Variants in PPP1R37 observed in about 807,000 individuals in gnomAD.
PPP1R37 encodes protein phosphatase 1 regulatory subunit 37.
PPP1R37 carries 21 observed loss-of-function variants against 61.0 expected under a neutral mutation model. The observed-to-expected ratio is 0.34, with a 90% CI of 0.24 to 0.50. The LOEUF (loss-of-function observed/expected upper bound fraction) is 0.50, where lower values mean the gene tolerates loss of function less well. Among genes scored for constraint, PPP1R37 ranks in the 20% least tolerant of loss-of-function variants. The pLI is 0.98. For missense variants in PPP1R37, 910 were observed against 952.7 expected (o/e 0.96, Z 0.59); for synonymous variants, 443 against 433.5 (o/e 1.02, Z -0.27).
intron 1 of PPP1R37, among the ~76,000 whole-genome samples, chr19:45,115,117 C>T (rs1292813543): frequency 6.6e-6 from 1 of 152,156 alleles, no homozygotes; most frequent in Non-Finnish European, 1.5e-5. Context: ...AAGGCAAGCC[C>T]GGCCCTGCCT....
rs1343024674 is a variant in PPP1R37, at chr19:45,130,838, C to T, written c.203-7676C>T. 1.3e-5 allele frequency among the ~76,000 whole-genome samples: 2 copies of T among 152,134 alleles called. No individual in the cohort carries two copies. Among genetic ancestry groups the T allele is most frequent in the African/African-American group, 2.4e-5 (1 of 41,412 alleles). On this transcript the variant is annotated intron_variant, in intron 1 of 12. Transcript: ENST00000221462. This position sits in a 1 kb window ranked among gnomAD's most constrained non-coding sequence, Gnocchi z 4.4. ...CCAGCCAGAGGTAGCATGGTTGTTA[C>T]GGAGCAGCCCTAAATATTCCTGCTC...
intron 1 of PPP1R37, among the ~76,000 whole-genome samples, chr19:45,124,411 T>C (rs899103460): frequency 6.6e-6 from 1 of 152,130 alleles, no homozygotes; most frequent in Non-Finnish European, 1.5e-5. Flanking sequence ...ATTTTTCTTT[T>C]CTTTTTTTTC....
intron 1 of PPP1R37, among the ~76,000 whole-genome samples, chr19:45,110,461 C>T (rs1968186503): frequency 6.6e-6 from 1 of 152,072 alleles, no homozygotes. Flanking sequence ...TCGAAATGTT[C>T]TTTTCTCTTA....
intron 1 of PPP1R37, among the ~76,000 whole-genome samples, chr19:45,099,393 A>G (rs1968033710): frequency 6.6e-6 from 1 of 152,204 alleles, no homozygotes; most frequent in South Asian, 2.1e-4. Flanking sequence ...AAGATTCCAC[A>G]CTGGCCATGT....
chr19:45,137,290 G>A (rs969790355), intron 1 of PPP1R37, among the ~76,000 whole-genome samples: 2 of 152,174 alleles, frequency 1.3e-5, no homozygotes, highest in Non-Finnish European at 2.9e-5. Flanking sequence ...CAAACACAAC[G>A]CAGCACATCC....
Position 45,144,899 on chromosome 19 carries a change from A to G in PPP1R37, c.1033A>G (p.Ile345Val), listed in dbSNP as rs868584011. The G allele has an allele frequency of 2.3e-5, 36 of 1,535,464 alleles. No homozygotes were observed. In the African/African-American group the frequency reaches 3.8e-4, roughly 16 times the overall value. ...LETLNLGHNP[I>V]GNEGVRHLKN... ...GACGCTGAACCTGGGCCACAACCCC[A>G]TCGGGAACGAGGGTGTGCGGCACCT... Residue 345 changes from isoleucine (I) to valine (V), a missense_variant, in exon 9 of 13, where the codon ATC becomes GTC. By Grantham distance (29) the Ile-to-Val change is conservative. Transcript: ENST00000221462.
chr19:45,147,205 G>A lies in PPP1R37; in HGVS notation c.*643G>A, dbSNP rs1337795092. On this transcript the variant is annotated 3_prime_UTR_variant, in exon 13 of 13. Coordinates refer to ENST00000221462, the MANE Select transcript of PPP1R37 (RefSeq NM_019121.2). ...GCGAGTGGCATGGGTGTGGGTGAGG[G>A]TGGGCAGAGGGCTGGGGCTACTCCT... The A allele has an allele frequency of 6.6e-6, 1 of 152,484 alleles. No individual in the cohort carries two copies. The highest frequency in any genetic ancestry group is 2.4e-5 in the African/African-American group (1 of 41,446). The allele number at this position is 152,484 out of a possible 1,614,324, so 9.4% of individuals were successfully genotyped here.
At chr19:45,109,123 GC>G (rs1006771263) in intron 1 of PPP1R37, among the ~76,000 whole-genome samples, 18 of 152,306 alleles carry the variant, frequency 1.2e-4, no homozygotes, top group Non-Finnish European at 1.9e-4. Context: ...GGTTCTTCAT[GC>G]CCTTTGCCTA....
In PPP1R37 at chr19:45,128,658, G is replaced by T. The variant is rs1015342051; in HGVS notation, c.203-9856G>T. 2.3e-5 allele frequency: 29 copies of T among 1,238,214 alleles called. 1 individual carries two copies. The South Asian group carries it at 3.5e-4, about 15-fold the overall frequency. The allele number at this position is 1,238,214 out of a possible 1,614,324, so 76.7% of individuals were successfully genotyped here. A position where few individuals can be genotyped will look rare whatever the true frequency, so the allele number is the denominator to read the frequency against. ...CTCAGCATTATGTAACACTGGCTTC[G>T]TGGTGCTCAAAGGCTGGCCCTGTAA... On this transcript the variant is annotated intron_variant, in intron 1 of 12. Transcript: ENST00000221462.
At chr19:45,144,774 C>G in intron 8 of PPP1R37, 80 bp from the exon 9 acceptor site, 1 of 1,274,280 alleles carries the variant, frequency 7.8e-7, no homozygotes, top group Non-Finnish European at 1.1e-6. Flanking sequence ...GCTCTCTTCC[C>G]GGCTTCTTTC....
At chr19:45,106,925 T>C (rs1244829676) in intron 1 of PPP1R37, among the ~76,000 whole-genome samples, 1 of 145,464 alleles carries the variant, frequency 6.9e-6, no homozygotes, top group African/African-American at 2.6e-5. Flanking sequence ...CACGCCATTC[T>C]CCTGCCTCAG....
At chr19:45,133,128 A>T (rs945619204) in intron 1 of PPP1R37, among the ~76,000 whole-genome samples, 5 of 152,226 alleles carry the variant, frequency 3.3e-5, no homozygotes, top group Middle Eastern at 3.4e-3. Context: ...CCCAGGCTGG[A>T]GTGCAGTGGT....
At chr19:45,114,371 C>T (rs933984329) in intron 1 of PPP1R37, among the ~76,000 whole-genome samples, 2 of 152,260 alleles carry the variant, frequency 1.3e-5, no homozygotes, top group Non-Finnish European at 2.9e-5. Context: ...CTCTTCAGAA[C>T]GTCTTCCACT....
intron 1 of PPP1R37, among the ~76,000 whole-genome samples, chr19:45,120,144 A>G (rs1459423782): frequency 6.6e-6 from 1 of 150,710 alleles, no homozygotes; most frequent in Non-Finnish European, 1.5e-5. Context: ...CAGCCTCCCA[A>G]GTAGCTGGGA....
At chr19:45,118,250 G>A (rs1968295678) in intron 1 of PPP1R37, among the ~76,000 whole-genome samples, 1 of 152,218 alleles carries the variant, frequency 6.6e-6, no homozygotes, top group Admixed American at 6.5e-5. Flanking sequence ...TTTAGCAGGG[G>A]GAGAGGGTTC....
intron 4 of PPP1R37, 34 bp from the exon 5 acceptor site, chr19:45,141,288 A>G: frequency 6.6e-7 from 1 of 1,522,724 alleles, no homozygotes; most frequent in Non-Finnish European, 8.8e-7. Context: ...GGCAGCCCAG[A>G]GCTGAGGCTG....
intron 11 of PPP1R37, 57 bp downstream of exon 11, chr19:45,146,106 G>C: frequency 6.9e-7 from 1 of 1,445,970 alleles, no homozygotes; most frequent in South Asian, 1.4e-5. Flanking sequence ...TGTGACCCCA[G>C]GCAAGCCCCT....
chr19:45,117,909 G>C (rs2122726960), intron 1 of PPP1R37, among the ~76,000 whole-genome samples: 1 of 152,340 alleles, frequency 6.6e-6, no homozygotes, highest in Middle Eastern at 3.4e-3. Context: ...TGGGGAAGGT[G>C]TCCTCCTCAG....
At position 45,145,011 on chromosome 19, in the gene PPP1R37, G is replaced by A. The variant is rs184183097; in HGVS notation, c.1129+16G>A. On this transcript the variant is annotated intron_variant, in intron 9 of 12. Coordinates refer to ENST00000221462, the MANE Select transcript of PPP1R37 (RefSeq NM_019121.2). ...ACGTGCGAGGGTAGGGTACGGGGCCGGGCCAGGGTGCGGGCTGGTGGGCTC... is the reference window on the plus strand; with the variant it reads ...ACGTGCGAGGGTAGGGTACGGGGCCAGGCCAGGGTGCGGGCTGGTGGGCTC... The A allele has an allele frequency of 4.4e-5, 68 of 1,530,230 alleles. No homozygotes were observed. The African/African-American group carries it at 7.6e-4, about 17-fold the overall frequency. 94.8% of individuals were successfully genotyped at this position (1,530,230 alleles called of 1,614,324 possible). A position where few individuals can be genotyped will look rare whatever the true frequency, so the allele number is the denominator to read the frequency against.
Sources: allele counts gnomAD v4.1 joint callset (sites outside exome capture counted in the v4.1 genomes callset), GRCh38; gene constraint gnomAD v4.1.1; non-coding constraint Gnocchi (gnomAD v3.1); transcripts MANE v1.5; gene names NCBI Gene and HGNC (gene_info 2026-07-23, HGNC 2026-07-21).